Variants in MAP3K13 observed in about 807,000 individuals in gnomAD.
MAP3K13 encodes the protein mitogen-activated protein kinase kinase kinase 13.
A neutral mutation model predicts 104.0 loss-of-function variants in MAP3K13; 52 were observed. The ratio of observed to expected loss-of-function variants is 0.50; its 90% CI spans 0.40 to 0.63. The LOEUF is 0.63. Ranked by LOEUF, MAP3K13 falls within the 20% of genes least tolerant of loss-of-function variation. The pLI is 0.00. For synonymous variants in MAP3K13, 394 were observed against 442.2 expected (o/e 0.89, Z 1.37); for missense variants, 914 against 1,218.5 (o/e 0.75, Z 3.72).
intron 1 of MAP3K13, among the ~76,000 whole-genome samples, chr3:185,390,719 G>C (rs1344284147): frequency 6.6e-6 from 1 of 150,584 alleles, no homozygotes; most frequent in Admixed American, 6.6e-5. Context: ...TGCCTCCCAG[G>C]TTCAAGTGAT....
intron 1 of MAP3K13, among the ~76,000 whole-genome samples, chr3:185,379,093 G>T (rs976837742): frequency 1.3e-5 from 2 of 152,166 alleles, no homozygotes; most frequent in Non-Finnish European, 2.9e-5. Context: ...GCAGCCCCAG[G>T]CTGCAGCGTG....
intron 1 of MAP3K13, among the ~76,000 whole-genome samples, chr3:185,421,888 T>A (rs892497404): frequency 2.0e-5 from 3 of 152,248 alleles, no homozygotes; most frequent in Non-Finnish European, 2.9e-5. Flanking sequence ...TAGAGTCAGC[T>A]CTGATCATAT....
At position 185,486,581 on chromosome 3, in the gene MAP3K13, C is replaced by CTGACAAG. The variant is rs1359575668; in HGVS notation, c.*4128_*4134dup. On this transcript the variant is annotated 3_prime_UTR_variant, in exon 14 of 14. Transcript: ENST00000265026. Reference sequence around the variant, plus strand: ...GAAGTTATGAGCTAATTCTTCAGTCCTGACAAGTGTGTTACAACAGTGCTT... The same window carrying CTGACAAG: ...GAAGTTATGAGCTAATTCTTCAGTCCTGACAAGTGACAAGTGTGTTACAACAGTGCTT... 6.6e-6 allele frequency: 1 copy of CTGACAAG among 152,176 alleles called. No homozygotes were observed. Among genetic ancestry groups the CTGACAAG allele is most frequent in the Non-Finnish European group, 1.5e-5 (1 of 68,038 alleles). The allele number at this position is 152,176 out of a possible 1,614,324, so 9.4% of individuals were successfully genotyped here. A position where few individuals can be genotyped will look rare whatever the true frequency, so the allele number is the denominator to read the frequency against.
intron 2 of MAP3K13, among the ~76,000 whole-genome samples, chr3:185,332,961 C>A (rs1287518986): frequency 6.6e-6 from 1 of 152,142 alleles, no homozygotes; most frequent in Non-Finnish European, 1.5e-5. Flanking sequence ...TTTGAGGAAC[C>A]ACCATACGTT....
intron 2 of MAP3K13, 44 bp downstream of exon 2, chr3:185,429,100 C>T (rs1255420613): frequency 6.5e-7 from 1 of 1,541,544 alleles, no homozygotes; most frequent in Non-Finnish European, 8.9e-7. Context: ...TGTGTAAACA[C>T]ACCATCACCA....
intron 1 of MAP3K13, among the ~76,000 whole-genome samples, chr3:185,427,650 T>C (rs1714503240): frequency 6.6e-6 from 1 of 152,208 alleles, no homozygotes; most frequent in East Asian, 1.9e-4. Flanking sequence ...AGTGACGCAG[T>C]GCCCCAGTGG....
At chr3:185,380,599 G>A (rs2108758220) in intron 1 of MAP3K13, among the ~76,000 whole-genome samples, 1 of 152,068 alleles carries the variant, frequency 6.6e-6, no homozygotes, top group South Asian at 2.1e-4. Flanking sequence ...AGCCATCTGT[G>A]TTTAACAAGC....
intron 1 of MAP3K13, among the ~76,000 whole-genome samples, chr3:185,402,374 G>A (rs931430118): frequency 3.3e-5 from 5 of 151,722 alleles, no homozygotes; most frequent in Non-Finnish European, 7.4e-5. Context: ...TGCTTTGGGT[G>A]GTTTTTTAAA....
chr3:185,371,357 T>C (rs1043545600), intron 1 of MAP3K13, among the ~76,000 whole-genome samples: 2 of 152,162 alleles, frequency 1.3e-5, no homozygotes, highest in Non-Finnish European at 2.9e-5. Flanking sequence ...TGTGTAGCAG[T>C]GTGGTAAAAA....
upstream of MAP3K13, among the ~76,000 whole-genome samples, chr3:185,361,009 T>A (rs995939992): frequency 1.3e-5 from 2 of 151,586 alleles, no homozygotes; most frequent in Non-Finnish European, 2.9e-5. Context: ...GTATTTTTAG[T>A]AGAGATGGGG....
intron 3 of MAP3K13, among the ~76,000 whole-genome samples, chr3:185,443,125 C>T (rs1301077292): frequency 6.6e-6 from 1 of 152,174 alleles, no homozygotes; most frequent in Non-Finnish European, 1.5e-5. Flanking sequence ...TCTAAAACAA[C>T]ACAGTATCCA....
At chr3:185,478,077 A>T (rs1354657702) in intron 12 of MAP3K13, among the ~76,000 whole-genome samples, 1 of 152,228 alleles carries the variant, frequency 6.6e-6, no homozygotes, top group Non-Finnish European at 1.5e-5. Context: ...AAGGCAATTC[A>T]GTCCATAGCA....
intron 1 of MAP3K13, among the ~76,000 whole-genome samples, chr3:185,426,849 C>G (rs1012018654): frequency 6.6e-6 from 1 of 152,142 alleles, no homozygotes; most frequent in African/African-American, 2.4e-5. Context: ...TTCCCTGAAA[C>G]TATTCCTCCC....
chr3:185,419,432 G>A (rs552656472), intron 1 of MAP3K13, among the ~76,000 whole-genome samples: 4 of 152,280 alleles, frequency 2.6e-5, no homozygotes, highest in African/African-American at 7.2e-5. Flanking sequence ...TAATCTGTGC[G>A]TTTAAAGCAA....
intron 2 of MAP3K13, among the ~76,000 whole-genome samples, chr3:185,321,970 T>C (rs906671647): frequency 1.3e-5 from 2 of 152,204 alleles, no homozygotes; most frequent in African/African-American, 4.8e-5. Flanking sequence ...GCTTCTTTAA[T>C]TTCTACCCAA....
intron 8 of MAP3K13, among the ~76,000 whole-genome samples, chr3:185,464,204 C>T (rs1337419091): frequency 6.6e-6 from 1 of 152,188 alleles, no homozygotes; most frequent in African/African-American, 2.4e-5. Flanking sequence ...ATGAGAATCA[C>T]GTGAACCCAG....
chr3:185,403,488 CTA>C (rs1470713043), intron 1 of MAP3K13, among the ~76,000 whole-genome samples: 1 of 152,058 alleles, frequency 6.6e-6, no homozygotes, highest in Non-Finnish European at 1.5e-5. Flanking sequence ...ACAATTAGGA[CTA>C]TGTGTATGTT....
At chr3:185,434,086 A>C (rs1714894116) in intron 2 of MAP3K13, among the ~76,000 whole-genome samples, 1 of 152,206 alleles carries the variant, frequency 6.6e-6, no homozygotes, top group African/African-American at 2.4e-5. Flanking sequence ...TTTAGAAGGT[A>C]GACTAGGCAG....
intron 1 of MAP3K13, among the ~76,000 whole-genome samples, chr3:185,420,583 A>G (rs1444541440): frequency 6.6e-6 from 1 of 152,240 alleles, no homozygotes; most frequent in Non-Finnish European, 1.5e-5. Flanking sequence ...AGAAGACGCC[A>G]AGTAAAGAGA....
Sources: gnomAD v4.1 joint callset for allele counts (sites outside exome capture counted in the v4.1 genomes callset) on GRCh38, gnomAD v4.1.1 for gene constraint, MANE v1.5 for transcripts, NCBI Gene and HGNC (gene_info 2026-07-23, HGNC 2026-07-21) for gene names.